Variants in SCN2A observed in about 807,000 individuals in gnomAD.
SCN2A encodes the protein sodium voltage-gated channel alpha subunit 2.
In SCN2A, 20 loss-of-function variants were observed where a neutral mutation model predicts 188.7. The ratio of observed to expected loss-of-function variants is 0.11; its 90% confidence interval spans 0.07 to 0.15. SCN2A has a LOEUF of 0.15. SCN2A is among the 10% of genes least tolerant of loss of function. The pLI is 1.00. For missense variants in SCN2A, 1,278 were observed against 2,445.0 expected (o/e 0.52, Z 10.07); for synonymous variants, 804 against 833.1 (o/e 0.97, Z 0.60).
chr2:165,314,681 A>C (rs569695088), intron 10 of SCN2A, among the ~76,000 whole-genome samples: 1 of 152,250 alleles, frequency 6.6e-6, no homozygotes, highest in East Asian at 1.9e-4. Context: ...TCTGCCTCCT[A>C]CTCTACAAAT....
intron 1 of SCN2A, among the ~76,000 whole-genome samples, chr2:165,248,729 T>C (rs1301919988): frequency 6.6e-6 from 1 of 152,184 alleles, no homozygotes; most frequent in Non-Finnish European, 1.5e-5. Context: ...AAGCCCCAAA[T>C]GGGCAGAGAT....
intron 16 of SCN2A, among the ~76,000 whole-genome samples, chr2:165,348,195 C>T (rs889246210): frequency 6.6e-6 from 1 of 151,970 alleles, no homozygotes; most frequent in African/African-American, 2.4e-5. Flanking sequence ...CCCATCTCTA[C>T]TAGAAATACA....
At chr2:165,332,427 G>A (rs1433159955) in intron 14 of SCN2A, among the ~76,000 whole-genome samples, 1 of 151,982 alleles carries the variant, frequency 6.6e-6, no homozygotes, top group Non-Finnish European at 1.5e-5. Context: ...GGACTAAATG[G>A]TTTACATTAA....
At chr2:165,265,472 T>C (rs1165787889) in intron 1 of SCN2A, among the ~76,000 whole-genome samples, 11 of 12,972 alleles carry the variant, frequency 8.5e-4, no homozygotes, top group South Asian at 3.6e-3. Flanking sequence ...TCTGTTGATC[T>C]ATATATATAT....
chr2:165,250,093 T>C (rs953524868), intron 1 of SCN2A, among the ~76,000 whole-genome samples: 3 of 152,038 alleles, frequency 2.0e-5, no homozygotes, highest in African/African-American at 7.2e-5. Context: ...TAGCCAGATA[T>C]ATGTGGACCT....
At chr2:165,278,677 G>T (rs546564251) in intron 1 of SCN2A, among the ~76,000 whole-genome samples, 1 of 152,148 alleles carries the variant, frequency 6.6e-6, no homozygotes, top group African/African-American at 2.4e-5. Context: ...GTGGCTCATG[G>T]CCATAATCCC....
At chr2:165,268,233 A>G (rs1324300304) in intron 1 of SCN2A, 2 of 152,016 alleles carry the variant, frequency 1.3e-5, no homozygotes, top group Non-Finnish European at 2.9e-5. Context: ...GGACACAAGA[A>G]AAAAGAAAAC....
chr2:165,260,007 C>T (rs1694506395), intron 1 of SCN2A, among the ~76,000 whole-genome samples: 1 of 130,426 alleles, frequency 7.7e-6, no homozygotes, highest in African/African-American at 3.0e-5. Context: ...GGCATGATTT[C>T]GGCTCAGCTC....
At chr2:165,345,532 T>C (rs1006176546) in intron 16 of SCN2A, among the ~76,000 whole-genome samples, 5 of 152,112 alleles carry the variant, frequency 3.3e-5, no homozygotes, top group African/African-American at 7.2e-5. Flanking sequence ...AAGACTAGGA[T>C]TGCAAACCCT....
chr2:165,338,573 T>G (rs1023556199), intron 14 of SCN2A, among the ~76,000 whole-genome samples: 1 of 152,152 alleles, frequency 6.6e-6, no homozygotes, highest in African/African-American at 2.4e-5. Context: ...ACATTTTATC[T>G]AAAGTGTTAC....
chr2:165,351,064 A>C (rs1282974044), intron 16 of SCN2A, among the ~76,000 whole-genome samples: 1 of 152,150 alleles, frequency 6.6e-6, no homozygotes, highest in South Asian at 2.1e-4. Flanking sequence ...CACTAGAAAA[A>C]CGATTACATT....
At chr2:165,382,903 C>T (rs911266181) in intron 25 of SCN2A, among the ~76,000 whole-genome samples, 16 of 152,220 alleles carry the variant, frequency 1.1e-4, no homozygotes, top group Non-Finnish European at 2.2e-4. Context: ...CATACTTCAT[C>T]AAGATATAGG....
intron 16 of SCN2A, among the ~76,000 whole-genome samples, chr2:165,350,652 T>G (rs950233944): frequency 7.0e-6 from 1 of 143,554 alleles, no homozygotes; most frequent in African/African-American, 2.7e-5. Flanking sequence ...TTTTGTATTT[T>G]TAGTAGAGAC....
chr2:165,361,052 A>G (rs193202293), intron 17 of SCN2A, among the ~76,000 whole-genome samples: 1 of 152,056 alleles, frequency 6.6e-6, no homozygotes, highest in Non-Finnish European at 1.5e-5. Flanking sequence ...GATTAATTTT[A>G]TTTTATGGGC....
intron 4 of SCN2A, among the ~76,000 whole-genome samples, 173 bp from the exon 5 acceptor site, chr2:165,308,493 G>A (rs1345589960): frequency 6.6e-6 from 1 of 152,054 alleles, no homozygotes; most frequent in Non-Finnish European, 1.5e-5. Flanking sequence ...CAATGAGAAT[G>A]TCTTTTGGAA....
chr2:165,263,603 G>T (rs1694703788), intron 1 of SCN2A, among the ~76,000 whole-genome samples: 1 of 151,970 alleles, frequency 6.6e-6, no homozygotes, highest in African/African-American at 2.4e-5. Flanking sequence ...GCCAGTACCT[G>T]CTGTTTTGGT....
At chr2:165,293,854 G>T in intron 1 of SCN2A, 1 of 984,918 alleles carries the variant, frequency 1.0e-6, no homozygotes, top group Non-Finnish European at 1.2e-6. Context: ...ATATGTCTGT[G>T]TGTACGCTGT....
At chr2:165,350,697 C>T (rs1699861587) in intron 16 of SCN2A, among the ~76,000 whole-genome samples, 1 of 26,476 alleles carries the variant, frequency 3.8e-5, no homozygotes, top group East Asian at 1.3e-3. Context: ...TGGTCTCGAT[C>T]TCCTGACCTC....
At chr2:165,255,084 A>C (rs1694257741) in intron 1 of SCN2A, among the ~76,000 whole-genome samples, 1 of 151,882 alleles carries the variant, frequency 6.6e-6, no homozygotes. Context: ...TGTGTTGGTT[A>C]ATTATAAATT....
Sources: gnomAD v4.1 joint callset for allele counts (sites outside exome capture counted in the v4.1 genomes callset) on GRCh38, gnomAD v4.1.1 for gene constraint, MANE v1.5 for transcripts, NCBI Gene and HGNC (gene_info 2026-07-23, HGNC 2026-07-21) for gene names.